The following SFI1 variants were observed in gnomAD, a reference collection of about 807,000 sequenced individuals.
SFI1 encodes the protein protein SFI1 homolog.
Under a neutral mutation model 207.5 loss-of-function variants are expected in SFI1, and 195 were observed. The ratio of observed to expected loss-of-function variants is 0.94; its 90% confidence interval spans 0.84 to 1.06. The LOEUF (loss-of-function observed/expected upper bound fraction) is 1.06. SFI1 is among the 50% of genes least tolerant of loss of function. SFI1 has a pLI of 0.00. For synonymous variants in SFI1, 630 were observed against 598.9 expected, an observed-to-expected ratio of 1.05 and a Z score of -0.76; for missense variants, 1,634 against 1,588.0, an observed-to-expected ratio of 1.03 and a Z score of -0.49.
Position 31,613,705 on chromosome 22 carries a change from C to G in SFI1, c.2846C>G (p.Pro949Arg), listed in dbSNP as rs753348932. The change falls in exon 27 of 33, where the codon CCC becomes CGC. Residue 949 changes from proline (P) to arginine (R), a missense_variant. Coordinates refer to ENST00000400288, the MANE Select transcript of SFI1 (RefSeq NM_001007467.3). ...CCTCAGCCCCTGGCAGCCATCGCAC[C>G]CAGCAGGAAAGTGACGTTTGAGGGT... ...GKPQPLAAIA[P>R]SRKVTFEGPL... is the part of the protein sequence containing the mutation. The G allele has an allele frequency of 5.0e-6, 8 of 1,612,472 alleles. No individual in the cohort carries two copies. The highest frequency in any genetic ancestry group is 5.1e-6 in the Non-Finnish European group (6 of 1,179,542).
chr22:31,506,716 C>T (rs2054699525), intron 1 of SFI1, among the ~76,000 whole-genome samples: 1 of 152,126 alleles, frequency 6.6e-6, no homozygotes, highest in Non-Finnish European at 1.5e-5. Flanking sequence ...ACACCAACAA[C>T]AGGCAAGCAG....
intron 14 of SFI1, among the ~76,000 whole-genome samples, chr22:31,586,904 C>T (rs2146313934): frequency 6.6e-6 from 1 of 152,326 alleles, no homozygotes; most frequent in African/African-American, 2.4e-5. Flanking sequence ...ACTGCTTAGT[C>T]ATTCCTAAAC....
chr22:31,549,288 TAAAAAAAAAAAA>T (rs59382278), intron 5 of SFI1, among the ~76,000 whole-genome samples: 2 of 37,222 alleles, frequency 5.4e-5, no homozygotes, highest in Non-Finnish European at 9.5e-5. Flanking sequence ...AGACCCTGTG[TAAAAAAAAAAAA>T]AAAAAAAAAA....
At chr22:31,575,015 C>T (rs576378412) in intron 9 of SFI1, among the ~76,000 whole-genome samples, 34 of 150,910 alleles carry the variant, frequency 2.3e-4, no homozygotes, top group African/African-American at 7.6e-4. Context: ...GCCGAGATCC[C>T]GCCACTGCAC....
At chr22:31,560,728 G>C (rs912915429) in intron 7 of SFI1, among the ~76,000 whole-genome samples, 1 of 147,382 alleles carries the variant, frequency 6.8e-6, no homozygotes, top group Admixed American at 6.8e-5. Flanking sequence ...CCGAGATGGA[G>C]TCTCACTCTG....
At position 31,604,313 on chromosome 22, in the gene SFI1, T is replaced by C; in HGVS notation, c.1886T>C (p.Leu629Pro). 1 of 1,574,116 alleles carries C rather than the reference T, an allele frequency of 6.4e-7. No individual in the cohort carries two copies. The change falls in exon 19 of 33, where the codon CTG becomes CCG. Residue 629 changes from leucine to proline, a missense_variant. By Grantham distance (98) the Leu-to-Pro change is moderately conservative (BLOSUM62 -3). Coordinates refer to ENST00000400288, the MANE Select transcript of SFI1 (RefSeq NM_001007467.3). ...TGCTTTCTCCTCTGTCTGCAGTGCCTGGCCCTGCGGGGAGCGGAGCGGCAG... is the reference window on the plus strand; with the variant it reads ...TGCTTTCTCCTCTGTCTGCAGTGCCCGGCCCTGCGGGGAGCGGAGCGGCAG... The part of the protein sequence containing the change: ...RWAWSQWREC[L>P]ALRGAERQKL...
intron 27 of SFI1, chr22:31,614,240 GA>G (rs374020582): frequency 0.011 from 3,778 of 340,566 alleles, 25 homozygotes; most frequent in Middle Eastern, 0.016. Context: ...TCACAGCCAA[GA>G]CACTGGCTTT....
chr22:31,615,218 C>A lies in SFI1; in HGVS notation c.3239C>A (p.Pro1080Gln). The change falls in exon 29 of 33, where the codon CCG becomes CAG. Residue 1080 changes from proline to glutamine, a missense_variant. Transcript: ENST00000400288. ...CAGCCCCCGACGGCAAGCACAGGCC[C>A]GGAGCTGCTGCTGCTGCCTCTTTCC... ...PKQPPTASTG[P>Q]ELLLLPLSSF... 2 of 1,556,764 alleles carry A rather than the reference C, an allele frequency of 1.3e-6. No homozygotes were observed. Among genetic ancestry groups the A allele is most frequent in the Non-Finnish European group, 1.7e-6 (2 of 1,158,004 alleles).
At chr22:31,519,383 A>G (rs2056930648) in intron 2 of SFI1, among the ~76,000 whole-genome samples, 1 of 144,638 alleles carries the variant, frequency 6.9e-6, no homozygotes, top group Non-Finnish European at 1.5e-5. Context: ...TGATCTTCCT[A>G]TGTCAGTCTC....
intron 2 of SFI1, among the ~76,000 whole-genome samples, chr22:31,516,604 A>T (rs2056543719): frequency 6.6e-6 from 1 of 152,032 alleles, no homozygotes; most frequent in South Asian, 2.1e-4. Flanking sequence ...AGATCATTTG[A>T]GGTCAGGAGT....
chr22:31,505,606 G>C (rs1396513519), intron 1 of SFI1, among the ~76,000 whole-genome samples: 1 of 151,696 alleles, frequency 6.6e-6, no homozygotes, highest in African/African-American at 2.4e-5. Flanking sequence ...GAGTGACAGA[G>C]TGAGACCCTA....
intron 2 of SFI1, among the ~76,000 whole-genome samples, chr22:31,522,922 G>A (rs1328545405): frequency 6.6e-6 from 1 of 152,134 alleles, no homozygotes; most frequent in Non-Finnish European, 1.5e-5. Flanking sequence ...CCAAAGTGCT[G>A]GGATTACAGG....
At chr22:31,505,258 G>A (rs542030896) in intron 1 of SFI1, among the ~76,000 whole-genome samples, 10 of 151,956 alleles carry the variant, frequency 6.6e-5, no homozygotes, top group African/African-American at 2.4e-4. Context: ...GGCCAACATG[G>A]GGAAACCCCA....
chr22:31,573,248 G>GATCT (rs2063133510), intron 9 of SFI1, 34 bp downstream of exon 9: 2 of 1,607,404 alleles, frequency 1.2e-6, no homozygotes, highest in Admixed American at 1.7e-5. Context: ...CGAGATAGAG[G>GATCT]ATCTGGTCAC....
chr22:31,530,171 CA>C (rs1162482504), intron 3 of SFI1, among the ~76,000 whole-genome samples: 312 of 12,048 alleles, frequency 0.026, no homozygotes, highest in East Asian at 0.16. Context: ...GACTCCATCT[CA>C]AAAAAAAAAA....
intron 3 of SFI1, among the ~76,000 whole-genome samples, chr22:31,530,345 C>G (rs1386636957): frequency 2.0e-5 from 3 of 149,924 alleles, no homozygotes; most frequent in Non-Finnish European, 4.4e-5. Context: ...AAAAAATTAG[C>G]CAGGTGCAGT....
chr22:31,537,618 C>G (rs151142153), intron 4 of SFI1, among the ~76,000 whole-genome samples: 1 of 152,178 alleles, frequency 6.6e-6, no homozygotes, highest in Admixed American at 6.5e-5. Flanking sequence ...AGGATAGTTA[C>G]GCCTGTAGGC....
intron 8 of SFI1, among the ~76,000 whole-genome samples, chr22:31,569,516 T>C (rs2062730290): frequency 6.6e-6 from 1 of 152,098 alleles, no homozygotes; most frequent in African/African-American, 2.4e-5. Flanking sequence ...TTTTATAGGA[T>C]AGATGACTTG....
At chr22:31,551,775 C>T (rs747766144) in intron 6 of SFI1, among the ~76,000 whole-genome samples, 3 of 152,166 alleles carry the variant, frequency 2.0e-5, no homozygotes, top group Non-Finnish European at 4.4e-5. Context: ...TTTATCATGG[C>T]TGTGCCATTT....
Sources: allele counts gnomAD v4.1 joint callset (sites outside exome capture counted in the v4.1 genomes callset), GRCh38; gene constraint gnomAD v4.1.1; transcripts MANE v1.5; gene names NCBI Gene and HGNC (gene_info 2026-07-23, HGNC 2026-07-21).